SLC15A4: variants seen among roughly 807,000 people sequenced by gnomAD.
SLC15A4 encodes solute carrier family 15 member 4.
Under a neutral mutation model 46.1 loss-of-function variants are expected in SLC15A4, and 26 were observed. The ratio of observed to expected loss-of-function variants is 0.56; its 90% confidence interval spans 0.41 to 0.78. SLC15A4 has a LOEUF of 0.78. Ranked by LOEUF, SLC15A4 falls within the 30% of genes least tolerant of loss-of-function variation. The pLI is 0.00. For missense variants in SLC15A4, 751 were observed against 755.7 expected, an observed-to-expected ratio of 0.99 and a Z score of 0.07; for synonymous variants, 370 against 333.4, an observed-to-expected ratio of 1.11 and a Z score of -1.20.
chr12:128,796,335 GA>G, intron 7 of SLC15A4, among the ~76,000 whole-genome samples: 1 of 144,396 alleles, frequency 6.9e-6, no homozygotes, highest in East Asian at 2.2e-4. Context: ...TGAGGCCAGA[GA>G]ATTGTCACTT....
intron 2 of SLC15A4, 179 bp from the exon 3 acceptor site, chr12:128,810,290 C>T: frequency 1.7e-6 from 1 of 594,392 alleles, no homozygotes. Context: ...CTAAATGTCA[C>T]AGAATGTACT....
chr12:128,812,607 C>T (rs879843676), intron 2 of SLC15A4, among the ~76,000 whole-genome samples: 7 of 152,170 alleles, frequency 4.6e-5, no homozygotes, highest in East Asian at 1.9e-4. Flanking sequence ...TGAGCCACCA[C>T]GCCCAGCCTG....
At chr12:128,810,567 T>C (rs1955643941) in intron 2 of SLC15A4, among the ~76,000 whole-genome samples, 1 of 152,092 alleles carries the variant, frequency 6.6e-6, no homozygotes, top group African/African-American at 2.4e-5. Context: ...CATCAAGACC[T>C]GACAGCCAAT....
chr12:128,798,209 T>C (rs1955469698), intron 7 of SLC15A4, among the ~76,000 whole-genome samples: 1 of 152,258 alleles, frequency 6.6e-6, no homozygotes, highest in African/African-American at 2.4e-5. Context: ...CTTTGGTCTT[T>C]CTTTGAAGGA....
At position 128,793,573 on chromosome 12, in the gene SLC15A4, T is replaced by C. The variant is rs1263590032; in HGVS notation, c.*623A>G. On this transcript the variant is annotated 3_prime_UTR_variant, in exon 8 of 8. Coordinates refer to ENST00000266771, the MANE Select transcript of SLC15A4 (RefSeq NM_145648.4). Reference sequence around the variant, plus strand: ...CTTGCCTTAAGAAAGAAAAGTAATGTTGATGGTTTAAAAAGTAAGTACTTT... The same window carrying C: ...CTTGCCTTAAGAAAGAAAAGTAATGCTGATGGTTTAAAAAGTAAGTACTTT... 6.6e-6 allele frequency: 1 copy of C among 152,206 alleles called. No individual in the cohort carries two copies. Among genetic ancestry groups the C allele is most frequent in the African/African-American group, 2.4e-5 (1 of 41,448 alleles). The allele number at this position is 152,206 out of a possible 1,614,324, so 9.4% of individuals were successfully genotyped here.
At chr12:128,817,856 C>T (rs576409375) in intron 1 of SLC15A4, among the ~76,000 whole-genome samples, 2 of 152,320 alleles carry the variant, frequency 1.3e-5, no homozygotes, top group African/African-American at 2.4e-5. Context: ...CAGCCCCTGG[C>T]GAGCAGGCCA....
At chr12:128,794,731 G>A (rs1353882290) in intron 7 of SLC15A4, among the ~76,000 whole-genome samples, 2 of 152,216 alleles carry the variant, frequency 1.3e-5, no homozygotes. Context: ...TGGTGAAGGG[G>A]ACAGTGTCGA....
At chr12:128,817,627 T>C (rs755092016) in intron 1 of SLC15A4, among the ~76,000 whole-genome samples, 2 of 152,234 alleles carry the variant, frequency 1.3e-5, no homozygotes, top group Non-Finnish European at 2.9e-5. Context: ...AGATGAAGCA[T>C]GAAAATATCA....
intron 5 of SLC15A4, among the ~76,000 whole-genome samples, chr12:128,807,780 C>A (rs1016225719): frequency 6.6e-6 from 1 of 152,236 alleles, no homozygotes; most frequent in Non-Finnish European, 1.5e-5. Context: ...TCAGACACGA[C>A]CTCACTTTAA....
intron 7 of SLC15A4, among the ~76,000 whole-genome samples, chr12:128,795,184 T>C (rs145610516): frequency 9.5e-4 from 145 of 152,208 alleles, no homozygotes; most frequent in African/African-American, 3.3e-3. Flanking sequence ...CATGGGTCAC[T>C]GACACACCCA....
chr12:128,795,664 G>C (rs921251324), intron 7 of SLC15A4, among the ~76,000 whole-genome samples: 1 of 152,252 alleles, frequency 6.6e-6, no homozygotes, highest in Middle Eastern at 3.2e-3. Flanking sequence ...CTCCGCCAGA[G>C]AACAGAGTTC....
Position 128,794,131 on chromosome 12 carries a change from T to C in SLC15A4, c.*65A>G, listed in dbSNP as rs914426932. ...TATGGGAATTTAAAGTCTTGCCTGT[T>C]CTCAGTGCACCCCAGTCAGTTACTG... On this transcript the variant is annotated 3_prime_UTR_variant, in exon 8 of 8. Coordinates refer to ENST00000266771, the MANE Select transcript of SLC15A4 (RefSeq NM_145648.4). 1.4e-6 allele frequency: 2 copies of C among 1,444,806 alleles called. No homozygotes were observed. Among genetic ancestry groups the C allele is most frequent in the Non-Finnish European group, 9.4e-7 (1 of 1,059,720 alleles). 89.5% of individuals were successfully genotyped at this position (1,444,806 alleles called of 1,614,324 possible).
intron 2 of SLC15A4, chr12:128,814,232 G>GCTGTATGATGGACCTGAGCA (rs1566055148): frequency 9.3e-6 from 1 of 107,958 alleles, no homozygotes; most frequent in African/African-American, 3.9e-5. Context: ...GGACCTGACC[G>GCTGTATGATGGACCTGAGCA]CCGTATGATG....
intron 1 of SLC15A4, among the ~76,000 whole-genome samples, chr12:128,816,970 G>A (rs1200108731): frequency 1.3e-5 from 2 of 152,092 alleles, no homozygotes; most frequent in African/African-American, 4.8e-5. Context: ...CCTCTCTAAA[G>A]GAAATAGAGC....
intron 7 of SLC15A4, among the ~76,000 whole-genome samples, chr12:128,795,046 G>A (rs950458691): frequency 5.3e-5 from 8 of 152,116 alleles, no homozygotes; most frequent in Non-Finnish European, 8.8e-5. Flanking sequence ...ACAAAAGAGC[G>A]CCTGACTATC....
chr12:128,810,317 G>T, intron 2 of SLC15A4: 1 of 526,230 alleles, frequency 1.9e-6, no homozygotes, highest in Non-Finnish European at 3.3e-6. Flanking sequence ...GCTGACAAAG[G>T]GACTTTCTAG....
rs74891185 is a variant in SLC15A4, at chr12:128,794,039, C to G, written c.*157G>C. 1.3e-6 allele frequency: 1 copy of G among 741,452 alleles called. No homozygotes were observed. Among genetic ancestry groups the G allele is most frequent in the Non-Finnish European group, 2.1e-6 (1 of 474,596 alleles). The allele number at this position is 741,452 out of a possible 1,614,324, so 45.9% of individuals were successfully genotyped here. The stretch of plus-strand genomic sequence containing the variant: ...GCTGCAGTAAGGCACTTACCAAGCT[C>G]CTTTGGATAGAGGGAAAGAAGAAAT... On this transcript the variant is annotated 3_prime_UTR_variant, in exon 8 of 8. Coordinates refer to ENST00000266771, the MANE Select transcript of SLC15A4 (RefSeq NM_145648.4).
At chr12:128,820,205 T>G (rs1044119453) in intron 1 of SLC15A4, among the ~76,000 whole-genome samples, 2 of 152,202 alleles carry the variant, frequency 1.3e-5, no homozygotes, top group Non-Finnish European at 2.9e-5. Context: ...GATCCAGCCC[T>G]GCAGAACCAT....
At chr12:128,822,295 A>G (rs892665806) in intron 1 of SLC15A4, among the ~76,000 whole-genome samples, 3 of 152,104 alleles carry the variant, frequency 2.0e-5, no homozygotes, top group African/African-American at 7.2e-5. Context: ...TTTTCATCTG[A>G]GCTTTCCGAC....
Sources: gnomAD v4.1 joint callset for allele counts (sites outside exome capture counted in the v4.1 genomes callset) on GRCh38, gnomAD v4.1.1 for gene constraint, MANE v1.5 for transcripts, NCBI Gene and HGNC (gene_info 2026-07-23, HGNC 2026-07-21) for gene names.